The following KPNA7 variants were observed in gnomAD, a reference collection of about 807,000 sequenced individuals.
The protein encoded by KPNA7 is karyopherin subunit alpha 7.
A neutral mutation model predicts 53.7 loss-of-function variants in KPNA7; 54 were observed. The observed-to-expected ratio is 1.01, with a 90% CI of 0.81 to 1.26. The LOEUF (loss-of-function observed/expected upper bound fraction) is 1.26, where lower values mean the gene tolerates loss of function less well. Among genes scored for constraint, KPNA7 ranks in the 50% most tolerant of loss-of-function variants. KPNA7 has a pLI of 0.00. For missense variants in KPNA7, 640 were observed against 644.5 expected, an observed-to-expected ratio of 0.99 and a Z score of 0.07; for synonymous variants, 276 against 259.3, an observed-to-expected ratio of 1.06 and a Z score of -0.62.
intron 6 of KPNA7, among the ~76,000 whole-genome samples, chr7:99,191,713 A>G (rs71567531): frequency 0.085 from 12,942 of 151,974 alleles, 568 homozygotes; most frequent in South Asian, 0.15. Context: ...ACAGTGGCGC[A>G]ACCTTGGCTC....
chr7:99,167,071 G>T, the KPNA7 span, among the ~76,000 whole-genome samples: 4 of 152,176 alleles, frequency 2.6e-5, no homozygotes, highest in Non-Finnish European at 5.9e-5. Flanking sequence ...CTGCATCTAA[G>T]CTTACAAGGC....
intron 10 of KPNA7, among the ~76,000 whole-genome samples, chr7:99,177,675 G>A (rs940257262): frequency 6.7e-6 from 1 of 150,320 alleles, no homozygotes; most frequent in African/African-American, 2.4e-5. Context: ...TTTTAAGCCA[G>A]AGGCAGCCAG....
intron 7 of KPNA7, among the ~76,000 whole-genome samples, chr7:99,185,829 C>CA (rs1457523061): frequency 6.6e-6 from 1 of 152,108 alleles, no homozygotes; most frequent in African/African-American, 2.4e-5. Context: ...GTCTTGCTGT[C>CA]ACCCAGACTG....
chr7:99,157,413 TAGTC>T, the KPNA7 span, among the ~76,000 whole-genome samples: 1 of 152,156 alleles, frequency 6.6e-6, no homozygotes, highest in African/African-American at 2.4e-5. Context: ...TTCTCCATGT[TAGTC>T]AGGCTGGTCT....
chr7:99,173,623 G>T lies in KPNA7; in HGVS notation c.*85C>A. 2.7e-6 allele frequency: 2 copies of T among 739,372 alleles called. No homozygotes were observed. Among genetic ancestry groups the T allele is most frequent in the Non-Finnish European group, 4.4e-6 (2 of 451,554 alleles). 45.8% of individuals were successfully genotyped at this position (739,372 alleles called of 1,614,324 possible). ...TCAAGTTTTAAAAGCTTCACATTTG[G>T]GTTACACTAAGATAGAGGACTGCTG... On this transcript the variant is annotated 3_prime_UTR_variant, in exon 11 of 11. Coordinates refer to ENST00000327442, the MANE Select transcript of KPNA7 (RefSeq NM_001145715.3).
chr7:99,173,520 C>G, downstream of KPNA7: 1 of 524,572 alleles, frequency 1.9e-6, no homozygotes, highest in Non-Finnish European at 3.4e-6. Context: ...GAGATGAATT[C>G]CACATGGTTT....
intron 1 of KPNA7, among the ~76,000 whole-genome samples, chr7:99,214,795 C>G (rs944134237): frequency 1.6e-4 from 23 of 145,722 alleles, no homozygotes; most frequent in Non-Finnish European, 2.9e-4. Context: ...ATGGGTGGCA[C>G]TTAACACATG....
chr7:99,195,107 C>T lies in KPNA7; in HGVS notation c.516G>A (p.Val172=), dbSNP rs544983733. The T allele has an allele frequency of 1.3e-6, 2 of 1,551,650 alleles. No homozygotes were observed. The highest frequency in any genetic ancestry group is 1.2e-5 in the South Asian group (1 of 84,058). Residue 172 remains valine (V), a synonymous_variant, in exon 5 of 11, where the codon GTG becomes GTA. Coordinates refer to ENST00000327442, the MANE Select transcript of KPNA7 (RefSeq NM_001145715.3). Reference sequence around the variant, plus strand: ...CAAGAGCCCACACTGCCTGTTCACACACAGCCACGTTGGAGGAAGACAGGA... The same window carrying T: ...CAAGAGCCCACACTGCCTGTTCACATACAGCCACGTTGGAGGAAGACAGGA... ...IELLSSSNVA[V]CEQAVWALGN...
chr7:99,190,815 A>C (rs759766314), intron 6 of KPNA7, among the ~76,000 whole-genome samples: 4 of 151,404 alleles, frequency 2.6e-5, no homozygotes, highest in Non-Finnish European at 5.9e-5. Context: ...GCCCAGCTTG[A>C]TAAAACTATT....
intron 3 of KPNA7, among the ~76,000 whole-genome samples, chr7:99,199,065 GAAA>G (rs67877761): frequency 1.9e-3 from 114 of 61,122 alleles, no homozygotes; most frequent in Non-Finnish European, 2.9e-3. Flanking sequence ...GCTGCAAACT[GAAA>G]AAAAAAAAAA....
At chr7:99,217,876 G>A (rs778770231) in intron 1 of KPNA7, among the ~76,000 whole-genome samples, 100 of 151,958 alleles carry the variant, frequency 6.6e-4, no homozygotes, top group Admixed American at 1.9e-3. Context: ...AGCAACCCAC[G>A]CACCTCGGCC....
At chr7:99,199,535 A>AT (rs1017335403) in intron 3 of KPNA7, among the ~76,000 whole-genome samples, 1 of 152,222 alleles carries the variant, frequency 6.6e-6, no homozygotes, top group Non-Finnish European at 1.5e-5. Flanking sequence ...ACAACTATGT[A>AT]TCACATGCAA....
intron 6 of KPNA7, among the ~76,000 whole-genome samples, chr7:99,189,590 A>C (rs1342733771): frequency 6.6e-6 from 1 of 151,426 alleles, no homozygotes; most frequent in Non-Finnish European, 1.5e-5. Context: ...ATCTATATTC[A>C]CTGTCTACCT....
At chr7:99,212,074 T>G (rs551754027), upstream of KPNA7, among the ~76,000 whole-genome samples, 7 of 152,136 alleles carry the variant, frequency 4.6e-5, no homozygotes, top group South Asian at 8.3e-4. Flanking sequence ...TATCTCAGGC[T>G]TTAGATTTCT....
At chr7:99,205,159 C>T (rs1446229818) in intron 2 of KPNA7, among the ~76,000 whole-genome samples, 1 of 151,948 alleles carries the variant, frequency 6.6e-6, no homozygotes, top group Non-Finnish European at 1.5e-5. Flanking sequence ...CACGGTGGCT[C>T]ATGCCTGTAA....
intron 10 of KPNA7, among the ~76,000 whole-genome samples, chr7:99,175,362 G>C (rs754484903): frequency 1.9e-4 from 29 of 151,902 alleles, no homozygotes; most frequent in Non-Finnish European, 3.5e-4. Context: ...ATTTTTTGTA[G>C]ATATGGGCTC....
At chr7:99,216,547 CA>C (rs1791221049) in intron 1 of KPNA7, among the ~76,000 whole-genome samples, 1 of 140,114 alleles carries the variant, frequency 7.1e-6, no homozygotes, top group African/African-American at 2.6e-5. Flanking sequence ...CCTAGGCTCC[CA>C]AGCTTCTTAC....
intron 7 of KPNA7, among the ~76,000 whole-genome samples, chr7:99,186,943 A>G (rs1221311180): frequency 6.6e-6 from 1 of 152,170 alleles, no homozygotes; most frequent in Non-Finnish European, 1.5e-5. Flanking sequence ...TCTTCAATAT[A>G]ATGCACCCAC....
chr7:99,184,654 A>G (rs909697190), intron 8 of KPNA7, among the ~76,000 whole-genome samples: 3 of 152,166 alleles, frequency 2.0e-5, no homozygotes, highest in Non-Finnish European at 4.4e-5. Flanking sequence ...CTTAGACATA[A>G]GCCAATATTT....
Sources: gnomAD v4.1 joint callset for allele counts (sites outside exome capture counted in the v4.1 genomes callset) on GRCh38, gnomAD v4.1.1 for gene constraint, MANE v1.5 for transcripts, NCBI Gene and HGNC (gene_info 2026-07-23, HGNC 2026-07-21) for gene names.